NRBF2: variants seen among roughly 807,000 people sequenced by gnomAD.
NRBF2 encodes the protein nuclear receptor binding factor 2, also known as nuclear receptor-binding factor 2.
In NRBF2, 12 loss-of-function variants were observed where a neutral mutation model predicts 28.5. The ratio of observed to expected loss-of-function variants is 0.42; its 90% CI spans 0.27 to 0.68. The LOEUF (loss-of-function observed/expected upper bound fraction) is 0.68. Among genes scored for constraint, NRBF2 ranks in the 30% least tolerant of loss-of-function variants. NRBF2 has a pLI of 0.24. For synonymous variants in NRBF2, 102 were observed against 116.5 expected (o/e 0.88, Z 0.80); for missense variants, 274 against 333.5 (o/e 0.82, Z 1.39).
chr10:63,153,520 T>G lies in NRBF2; in HGVS notation c.166T>G (p.Ser56Ala), dbSNP rs1841681404. Residue 56 changes from serine (S) to alanine (A), a missense_variant, in exon 4 of 4, where the codon TCA becomes GCA. By Grantham distance (99) the Ser-to-Ala change is moderately conservative. Transcript: ENST00000277746. ...KLTQSEQAHL[S>A]LELQRDSHMK... ...TCCTTCTATGTAATAGGCTCATCTTTCACTGGAATTGCAAAGGGATAGCCA... is the reference window on the plus strand; with the variant it reads ...TCCTTCTATGTAATAGGCTCATCTTGCACTGGAATTGCAAAGGGATAGCCA... The G allele has an allele frequency of 3.1e-6, 5 of 1,603,634 alleles. No homozygotes were observed. The highest frequency in any genetic ancestry group is 4.3e-6 in the Non-Finnish European group (5 of 1,175,942).
At chr10:63,135,576 G>A (rs184034593) in intron 1 of NRBF2, among the ~76,000 whole-genome samples, 3 of 152,096 alleles carry the variant, frequency 2.0e-5, no homozygotes, top group African/African-American at 7.2e-5. Context: ...TTTTTAAGCA[G>A]GCTAGCGTAA....
chr10:63,138,057 CA>C (rs573870348), intron 1 of NRBF2, among the ~76,000 whole-genome samples: 128 of 152,168 alleles, frequency 8.4e-4, no homozygotes, highest in African/African-American at 3.0e-3. Context: ...GGGCTGGGCA[CA>C]GTGGCTCATG....
intron 1 of NRBF2, among the ~76,000 whole-genome samples, chr10:63,137,346 A>G (rs1841392327): frequency 6.6e-6 from 1 of 152,228 alleles, no homozygotes; most frequent in Admixed American, 6.5e-5. Flanking sequence ...TTCCGTACAC[A>G]TTTTGTCAGT....
chr10:63,150,406 C>A (rs1841629973), intron 2 of NRBF2: 3 of 954,682 alleles, frequency 3.1e-6, no homozygotes, highest in South Asian at 9.7e-5. Flanking sequence ...TTTTTTCTTT[C>A]CTTTTTTTTT....
chr10:63,146,298 G>GTA lies in NRBF2; in HGVS notation c.115+7_115+8dup, dbSNP rs748277931. On this transcript the variant is annotated splice_donor_region_variant and intron_variant, in intron 2 of 3. Coordinates refer to ENST00000277746, the MANE Select transcript of NRBF2 (RefSeq NM_030759.5). ...CTTGTCACAAAAAGGCTGCAGGTGA[G>GTA]TATTCTTATTAAGTACTCAGTGTAA... 2 of 1,601,472 alleles carry GTA rather than the reference G, an allele frequency of 1.2e-6. No individual in the cohort carries two copies. Among genetic ancestry groups the GTA allele is most frequent in the Non-Finnish European group, 1.7e-6 (2 of 1,172,180 alleles).
chr10:63,139,858 T>C (rs6479885), intron 1 of NRBF2, among the ~76,000 whole-genome samples: 149,927 of 152,256 alleles, frequency 0.98, 73,849 homozygotes, highest in Middle Eastern at 1. Flanking sequence ...AATGTGGGCC[T>C]GGTATGGTAG....
At chr10:63,144,108 T>A (rs1248732352) in intron 1 of NRBF2, among the ~76,000 whole-genome samples, 2 of 152,110 alleles carry the variant, frequency 1.3e-5, no homozygotes, top group African/African-American at 4.8e-5. Context: ...TTTACCTTCT[T>A]AATTATTTTT....
intron 1 of NRBF2, among the ~76,000 whole-genome samples, chr10:63,140,934 C>T (rs964380798): frequency 6.6e-6 from 1 of 151,936 alleles, no homozygotes; most frequent in Non-Finnish European, 1.5e-5. Flanking sequence ...CTCCTGACCT[C>T]GTGATCTGCC....
intron 1 of NRBF2, among the ~76,000 whole-genome samples, chr10:63,138,259 G>C (rs1436860439): frequency 6.6e-6 from 1 of 152,118 alleles, no homozygotes; most frequent in East Asian, 1.9e-4. Flanking sequence ...GTTGCAGTGA[G>C]CCAAGGTCAC....
intron 1 of NRBF2, among the ~76,000 whole-genome samples, chr10:63,145,810 G>T (rs1280911917): frequency 1.3e-5 from 2 of 152,198 alleles, no homozygotes; most frequent in Admixed American, 6.5e-5. Flanking sequence ...ATAGTTTTTA[G>T]ACTATACAGA....
chr10:63,152,964 T>G (rs1298786813), intron 3 of NRBF2, among the ~76,000 whole-genome samples: 1 of 152,228 alleles, frequency 6.6e-6, no homozygotes, highest in Non-Finnish European at 1.5e-5. Context: ...CCATTGCACT[T>G]CAGCCTCAGC....
At chr10:63,139,912 G>A (rs1247318878) in intron 1 of NRBF2, among the ~76,000 whole-genome samples, 3 of 152,070 alleles carry the variant, frequency 2.0e-5, no homozygotes, top group African/African-American at 7.2e-5. Flanking sequence ...GAGGCAGGTG[G>A]ACTGCTTGAG....
Position 63,153,797 on chromosome 10 carries a change from A to C in NRBF2, c.443A>C (p.Lys148Thr). The C allele has an allele frequency of 4.3e-6, 7 of 1,613,122 alleles. No individual in the cohort carries two copies. The highest frequency in any genetic ancestry group is 5.9e-6 in the Non-Finnish European group (7 of 1,179,864). Residue 148 changes from lysine to threonine, a missense_variant, in exon 4 of 4, where the codon AAG (lysine) becomes ACG (threonine). Transcript: ENST00000277746. Reference sequence around the variant, plus strand: ...ACACTACTTTATTTACTTCAGCAAAAGAGTGAGCCAGCAGAGCCATGTATT... The same window carrying C: ...ACACTACTTTATTTACTTCAGCAAACGAGTGAGCCAGCAGAGCCATGTATT... ...PDTLLYLLQQKSEPAEPCIGS... is the reference protein window; with the variant it reads ...PDTLLYLLQQTSEPAEPCIGS...
At chr10:63,146,138 G>A in intron 1 of NRBF2, 71 bp from the exon 2 acceptor site, 8 of 1,113,510 alleles carry the variant, frequency 7.2e-6, no homozygotes, top group Non-Finnish European at 1.1e-5. Flanking sequence ...TTCTTAAAAG[G>A]TAGTTGCTTT....
chr10:63,140,652 G>A (rs774374884), intron 1 of NRBF2, among the ~76,000 whole-genome samples: 8 of 151,238 alleles, frequency 5.3e-5, no homozygotes, highest in East Asian at 1.9e-4. Context: ...CTCCCACCTC[G>A]GCCTCACAGA....
rs1348644370 is a variant in NRBF2, at chr10:63,146,234, A to G, written c.56A>G (p.Asp19Gly). The G allele has an allele frequency of 2.5e-6, 4 of 1,612,232 alleles. No individual in the cohort carries two copies. Among genetic ancestry groups the G allele is most frequent in the Non-Finnish European group, 3.4e-6 (4 of 1,179,758 alleles). Reference protein sequence around the residue: ...NLAHQQSRRADRLLAAGKYEE... With the variant: ...NLAHQQSRRAGRLLAAGKYEE... ...GCTCATCAACAGAGCAGACGAGCAGACCGTTTATTAGCTGCAGGCAAATAC... is the reference window on the plus strand; with the variant it reads ...GCTCATCAACAGAGCAGACGAGCAGGCCGTTTATTAGCTGCAGGCAAATAC... Residue 19 changes from aspartate to glycine, a missense_variant, in exon 2 of 4, where the codon GAC becomes GGC. By Grantham distance (94) the Asp-to-Gly change is moderately conservative. Coordinates refer to ENST00000277746, the MANE Select transcript of NRBF2 (RefSeq NM_030759.5).
intron 1 of NRBF2, among the ~76,000 whole-genome samples, chr10:63,138,540 C>G (rs371743551): frequency 6.7e-6 from 1 of 149,460 alleles, no homozygotes; most frequent in Non-Finnish European, 1.5e-5. Context: ...GTCAGGAGAT[C>G]GAGACCATTC....
chr10:63,143,321 T>A (rs1396059076), intron 1 of NRBF2, among the ~76,000 whole-genome samples: 1 of 152,218 alleles, frequency 6.6e-6, no homozygotes, highest in African/African-American at 2.4e-5. Flanking sequence ...TTATACTGAG[T>A]ATGATTTGTA....
chr10:63,151,583 AG>A (rs761047292), intron 2 of NRBF2, among the ~76,000 whole-genome samples: 1 of 152,232 alleles, frequency 6.6e-6, no homozygotes, highest in Non-Finnish European at 1.5e-5. Flanking sequence ...ATAGTCACCG[AG>A]GATCTAAGAT....
Sources: allele counts gnomAD v4.1 joint callset (sites outside exome capture counted in the v4.1 genomes callset), GRCh38; gene constraint gnomAD v4.1.1; transcripts MANE v1.5; gene names NCBI Gene and HGNC (gene_info 2026-07-23, HGNC 2026-07-21).